Variants in RIF1 observed in about 807,000 individuals in gnomAD.
RIF1 encodes telomere-associated protein RIF1.
In RIF1, 45 loss-of-function variants were observed where a neutral mutation model predicts 247.1. The ratio of observed to expected loss-of-function variants is 0.18; its 90% CI spans 0.14 to 0.23. RIF1 has a LOEUF of 0.23. Ranked by LOEUF, RIF1 falls within the 10% of genes least tolerant of loss-of-function variation. The pLI, the probability that RIF1 is intolerant of heterozygous loss-of-function variation, is 1.00. For synonymous variants in RIF1, 1,087 were observed against 978.8 expected (o/e 1.11, Z -2.06); for missense variants, 2,967 against 2,862.5 (o/e 1.04, Z -0.83).
Position 151,490,363 on chromosome 2 carries a change from C to G in RIF1, c.*416-4866C>G. The G allele has an allele frequency of 6.3e-7, 1 of 1,586,082 alleles. No homozygotes were observed. Among genetic ancestry groups the G allele is most frequent in the East Asian group, 2.3e-5 (1 of 43,282 alleles). On this transcript the variant is annotated intron_variant and NMD_transcript_variant, in intron 9 of 13. Coordinates refer to the RIF1 transcript ENST00000454583. Reference sequence around the variant, plus strand: ...TGGGACTGCCAAAATCAGCGCCAGGCACTTGTACCTGTTGAGACTGCAAAG... The same window carrying G: ...TGGGACTGCCAAAATCAGCGCCAGGGACTTGTACCTGTTGAGACTGCAAAG...
chr2:151,465,897 G>C lies in RIF1; in HGVS notation c.6377G>C (p.Cys2126Ser), dbSNP rs1338016918. The C allele has an allele frequency of 6.2e-7, 1 of 1,614,060 alleles. No individual in the cohort carries two copies. The highest frequency in any genetic ancestry group is 8.5e-7 in the Non-Finnish European group (1 of 1,179,900). The change falls in exon 30 of 36, where the codon TGT (cysteine) becomes TCT (serine). Residue 2126 changes from cysteine to serine, a missense_variant. This residue lies in a region of RIF1 where 2,028 missense variants were observed against 1,825.6 expected (regional missense o/e 1.11). Transcript: ENST00000444746. ...CAGAAAGTGGAGGAACCATCACAGT[G>C]TCTGGCATCTGGAACAGCTATCTCT... Reference protein sequence around the residue: ...TSQKVEEPSQCLASGTAISEL... With the variant: ...TSQKVEEPSQSLASGTAISEL...
rs749826141 is a variant in RIF1, at chr2:151,465,769, T to G, written c.6249T>G (p.Asn2083Lys). ...MSTEEGIIDA[N>K]KTETNTEYSK... Reference sequence around the variant, plus strand: ...CTGAAGAAGGAATCATTGACGCTAATAAAACTGAAACAAATACTGAGTATA... The same window carrying G: ...CTGAAGAAGGAATCATTGACGCTAAGAAAACTGAAACAAATACTGAGTATA... Residue 2083 changes from asparagine (N) to lysine (K), a missense_variant, in exon 30 of 36, where the codon AAT becomes AAG. Transcript: ENST00000444746. The G allele has an allele frequency of 6.2e-7, 1 of 1,613,502 alleles. No individual in the cohort carries two copies. Among genetic ancestry groups the G allele is most frequent in the Non-Finnish European group, 8.5e-7 (1 of 1,179,524 alleles).
At chr2:151,437,672 T>C (rs1691487831) in intron 13 of RIF1, among the ~76,000 whole-genome samples, 1 of 152,142 alleles carries the variant, frequency 6.6e-6, no homozygotes, top group Admixed American at 6.5e-5. Flanking sequence ...GCCTGGGTGA[T>C]AGAGCAAGAC....
the RIF1 span, chr2:151,525,902 G>T: frequency 7.4e-7 from 1 of 1,351,844 alleles, no homozygotes; most frequent in Non-Finnish European, 1.1e-6. Flanking sequence ...TATTTCACCA[G>T]ATTCTACAGT....
Position 151,437,271 on chromosome 2 carries a change from C to G in RIF1, c.1403C>G (p.Pro468Arg), listed in dbSNP as rs1222215654. The G allele has an allele frequency of 6.2e-7, 1 of 1,613,680 alleles. No individual in the cohort carries two copies. Among genetic ancestry groups the G allele is most frequent in the East Asian group, 2.2e-5 (1 of 44,866 alleles). Reference protein sequence around the residue: ...EPLEHPLISSPSFFSKHANTL... With the variant: ...EPLEHPLISSRSFFSKHANTL... Reference sequence around the variant, plus strand: ...TTGGAACATCCGTTAATCAGCAGCCCTTCCTTTTTTTCCAAACATGCAAAT... The same window carrying G: ...TTGGAACATCCGTTAATCAGCAGCCGTTCCTTTTTTTCCAAACATGCAAAT... Residue 468 changes from proline to arginine, a missense_variant, in exon 13 of 36, where the codon CCT becomes CGT. This residue lies in a region of RIF1 where 369 missense variants were observed against 322.0 expected (regional missense o/e 1.15). Coordinates refer to ENST00000444746, the MANE Select transcript of RIF1 (RefSeq NM_018151.5).
Position 151,463,301 on chromosome 2 carries a change from T to G in RIF1, c.3781T>G (p.Phe1261Val), listed in dbSNP as rs1409654528. 8 of 1,612,822 alleles carry G rather than the reference T, an allele frequency of 5.0e-6. No individual in the cohort carries two copies. The Admixed American group carries it at 1.3e-4, about 27-fold the overall frequency. Residue 1261 changes from phenylalanine (F) to valine (V), a missense_variant, in exon 30 of 36, where the codon TTT becomes GTT. Physicochemically the swap from Phe to Val is conservative, Grantham distance 50. This residue lies in a region of RIF1 where 2,028 missense variants were observed against 1,825.6 expected (regional missense o/e 1.11). Transcript: ENST00000444746. ...NNQETMIKTDFLPKAKQREGT... is the reference protein window; with the variant it reads ...NNQETMIKTDVLPKAKQREGT... ...CCAGGAAACCATGATTAAAACAGAT[T>G]TTCTACCAAAAGCAAAGCAAAGAGA...
intron 9 of RIF1, among the ~76,000 whole-genome samples, chr2:151,431,301 C>T (rs910990389): frequency 2.0e-5 from 3 of 152,128 alleles, no homozygotes; most frequent in Non-Finnish European, 4.4e-5. Context: ...TAGAAATAGC[C>T]TTCTAAGAAT....
At chr2:151,442,340 TGG>T (rs1558975589) in intron 16 of RIF1, among the ~76,000 whole-genome samples, 1 of 150,080 alleles carries the variant, frequency 6.7e-6, no homozygotes, top group African/African-American at 2.5e-5. Flanking sequence ...TTCCAAATCC[TGG>T]GATTACAGGT....
At chr2:151,504,612 T>C (rs765620043) in intron 12 of RIF1, among the ~76,000 whole-genome samples, 1 of 152,208 alleles carries the variant, frequency 6.6e-6, no homozygotes, top group Non-Finnish European at 1.5e-5. Flanking sequence ...GAGAGTTCAG[T>C]CCTCCATTGA....
intron 12 of RIF1, chr2:151,505,699 C>A: frequency 1.3e-6 from 1 of 747,330 alleles, no homozygotes. Flanking sequence ...AGGCTTTATA[C>A]TTAGTGTGAA....
At chr2:151,426,275 A>G (rs926313021) in intron 8 of RIF1, among the ~76,000 whole-genome samples, 17 of 143,382 alleles carry the variant, frequency 1.2e-4, no homozygotes, top group African/African-American at 3.6e-4. Flanking sequence ...CCTGGGTCCA[A>G]GCGATTCTCC....
In RIF1 at chr2:151,468,470, C is replaced by T; in HGVS notation, c.6748-4C>T. ...TGTTTTTTTCTCTCCTTTCTTCTAT[C>T]TAGCATAATACCACTTCAGCCAAAG... is the stretch of plus-strand genomic sequence containing the variant. On this transcript the variant is annotated splice_region_variant and splice_polypyrimidine_tract_variant and intron_variant, in intron 31 of 35. Transcript: ENST00000444746. The T allele has an allele frequency of 6.2e-7, 1 of 1,608,730 alleles. No homozygotes were observed. The highest frequency in any genetic ancestry group is 8.5e-7 in the Non-Finnish European group (1 of 1,175,242).
rs575091306 is a variant in RIF1, at chr2:151,503,540, A to G, written c.*861+355A>G. ...TATTTGGGGGAAACTCATAAAAACAATCTAGCTCTCAAATATAACATTCAA... is the reference window on the plus strand; with the variant it reads ...TATTTGGGGGAAACTCATAAAAACAGTCTAGCTCTCAAATATAACATTCAA... On this transcript the variant is annotated intron_variant and NMD_transcript_variant, in intron 12 of 13. Coordinates refer to the RIF1 transcript ENST00000454583. 6.9e-6 allele frequency: 5 copies of G among 724,634 alleles called. No homozygotes were observed. In the Admixed American group the frequency reaches 1.2e-4, roughly 18 times the overall value. The allele number at this position is 724,634 out of a possible 1,614,324, so 44.9% of individuals were successfully genotyped here.
chr2:151,461,514 C>T (rs1226465740), intron 27 of RIF1, among the ~76,000 whole-genome samples: 1 of 151,792 alleles, frequency 6.6e-6, no homozygotes, highest in African/African-American at 2.4e-5. Flanking sequence ...GCCTCAGCCT[C>T]CCGAGTAGCT....
chr2:151,412,046 T>A (rs1056107932), intron 3 of RIF1, among the ~76,000 whole-genome samples: 2 of 152,232 alleles, frequency 1.3e-5, no homozygotes, highest in African/African-American at 4.8e-5. Flanking sequence ...TTGTCTTTGG[T>A]CTAATCTAGG....
intron 4 of RIF1, among the ~76,000 whole-genome samples, chr2:151,415,332 T>G (rs1197762566): frequency 7.2e-6 from 1 of 139,856 alleles, no homozygotes; most frequent in Non-Finnish European, 1.5e-5. Context: ...GGGTGATAAG[T>G]GAGACCCCAT....
the RIF1 span, chr2:151,519,875 G>A: frequency 1.5e-6 from 1 of 686,260 alleles, no homozygotes; most frequent in Admixed American, 2.3e-5. Flanking sequence ...TACATAGAGT[G>A]ATCATATAAT....
At chr2:151,418,229 C>T (rs1687548560) in intron 6 of RIF1, among the ~76,000 whole-genome samples, 1 of 152,112 alleles carries the variant, frequency 6.6e-6, no homozygotes, top group South Asian at 2.1e-4. Flanking sequence ...TTTTTTGAGA[C>T]AGTCTCACTC....
intron 9 of RIF1, 68 bp from the exon 10 acceptor site, chr2:151,433,009 C>T: frequency 1.7e-6 from 2 of 1,195,448 alleles, no homozygotes; most frequent in East Asian, 4.7e-5. Flanking sequence ...AAGACTGTTG[C>T]ATAGCTAGTG....
Sources: gnomAD v4.1 joint callset for allele counts (sites outside exome capture counted in the v4.1 genomes callset) on GRCh38, gnomAD v4.1.1 for gene constraint, gnomAD v4.1.1 regional missense constraint, MANE v1.5 for transcripts, NCBI Gene and HGNC (gene_info 2026-07-23, HGNC 2026-07-21) for gene names.